The following KDM3B variants were observed in gnomAD, a reference collection of about 807,000 sequenced individuals.
KDM3B encodes lysine demethylase 3B, also known as lysine-specific demethylase 3B.
In KDM3B, 10 loss-of-function variants were observed where a neutral mutation model predicts 170.0. The ratio of observed to expected loss-of-function variants is 0.06; its 90% CI spans 0.04 to 0.10. The LOEUF is 0.10. Ranked by LOEUF, KDM3B falls within the 10% of genes least tolerant of loss-of-function variation. The pLI is 1.00. For missense variants in KDM3B, 1,394 were observed against 2,195.2 expected (o/e 0.64, Z 7.29); for synonymous variants, 831 against 834.8 (o/e 1.00, Z 0.08).
chr5:138,375,472 G>A (rs905991321), intron 3 of KDM3B, among the ~76,000 whole-genome samples: 4 of 151,652 alleles, frequency 2.6e-5, no homozygotes, highest in Admixed American at 6.6e-5. Context: ...CCGCCTCCCC[G>A]GTTCACTCCA....
chr5:138,425,447 T>C lies in KDM3B; in HGVS notation c.4276T>C (p.Ser1426Pro). 1 of 1,614,130 alleles carries C rather than the reference T, an allele frequency of 6.2e-7. No homozygotes were observed. Among genetic ancestry groups the C allele is most frequent in the Non-Finnish European group, 8.5e-7 (1 of 1,180,010 alleles). The change falls in exon 17 of 24, where the codon TCT (serine) becomes CCT (proline). Residue 1426 changes from serine (S) to proline (P), a missense_variant. Ser to Pro is a moderately conservative substitution (Grantham distance 74). Coordinates refer to ENST00000314358, the MANE Select transcript of KDM3B (RefSeq NM_016604.4). Reference sequence around the variant, plus strand: ...TTCGGGGGTACATAAAAAGCTCAAGTCTGAGCTCTGGAAGCCAGAAGCCTT... The same window carrying C: ...TTCGGGGGTACATAAAAAGCTCAAGCCTGAGCTCTGGAAGCCAGAAGCCTT... ...LVSGVHKKLK[S>P]ELWKPEAFSQ...
At chr5:138,375,247 T>G in intron 3 of KDM3B, 41 bp downstream of exon 3, 2 of 1,276,164 alleles carry the variant, frequency 1.6e-6, no homozygotes, top group Non-Finnish European at 2.3e-6. Context: ...ATTATTTTTT[T>G]CGCTGCTAAT....
At chr5:138,430,567 C>A in intron 22 of KDM3B, 142 bp downstream of exon 22, 1 of 828,174 alleles carries the variant, frequency 1.2e-6, no homozygotes, top group Non-Finnish European at 1.8e-6. Context: ...CTTTTATTTT[C>A]TTCCTTGTAA....
intron 11 of KDM3B, among the ~76,000 whole-genome samples, chr5:138,405,361 G>A (rs2126969662): frequency 1.3e-5 from 2 of 152,296 alleles, no homozygotes; most frequent in Admixed American, 1.3e-4. Flanking sequence ...TTTAAAAGTA[G>A]CCAGGCATGG....
intron 1 of KDM3B, among the ~76,000 whole-genome samples, chr5:138,356,765 C>T (rs1402143741): frequency 6.6e-6 from 1 of 151,342 alleles, no homozygotes; most frequent in African/African-American, 2.4e-5. Flanking sequence ...GCCTCAGCCT[C>T]CCGAGTAGTT....
chr5:138,381,430 A>T (rs780949074), intron 5 of KDM3B, 86 bp from the exon 6 acceptor site: 227 of 849,866 alleles, frequency 2.7e-4, no homozygotes, highest in Non-Finnish European at 4.0e-4. Context: ...TTGAATCAAT[A>T]AAGAGATAAT....
intron 7 of KDM3B, among the ~76,000 whole-genome samples, chr5:138,387,855 G>A (rs1440212436): frequency 2.0e-5 from 3 of 152,154 alleles, no homozygotes; most frequent in Admixed American, 6.6e-5. Context: ...GCCAAGGCGG[G>A]CGGATCACAA....
At chr5:138,419,534 A>C (rs1763199773) in intron 14 of KDM3B, among the ~76,000 whole-genome samples, 1 of 150,974 alleles carries the variant, frequency 6.6e-6, no homozygotes. Flanking sequence ...GGGTGCCTGT[A>C]GTCCCAGCTA....
intron 6 of KDM3B, among the ~76,000 whole-genome samples, chr5:138,384,151 T>A (rs534277790): frequency 7.0e-6 from 1 of 142,780 alleles, no homozygotes; most frequent in East Asian, 2.1e-4. Flanking sequence ...GAGGCTGAGG[T>A]AGGAGAATGG....
intron 7 of KDM3B, among the ~76,000 whole-genome samples, chr5:138,389,780 C>CTGTGTGTG (rs1230677685): frequency 1.1e-3 from 133 of 120,342 alleles, no homozygotes; most frequent in African/African-American, 3.8e-3. Flanking sequence ...CTCTCTCTCT[C>CTGTGTGTG]TCTGTGTGTG....
chr5:138,418,427 C>T (rs1763163535), intron 13 of KDM3B, among the ~76,000 whole-genome samples: 1 of 152,106 alleles, frequency 6.6e-6, no homozygotes, highest in Non-Finnish European at 1.5e-5. Context: ...ATTCCATGGC[C>T]TTTCTGGCAA....
At chr5:138,395,259 A>G (rs944584477) in intron 9 of KDM3B, among the ~76,000 whole-genome samples, 2 of 152,304 alleles carry the variant, frequency 1.3e-5, no homozygotes, top group Admixed American at 1.3e-4. Flanking sequence ...TGTCAGTCTA[A>G]GTGAGATCAG....
At position 138,386,638 on chromosome 5, in the gene KDM3B, G is replaced by T. The variant is rs759649910; in HGVS notation, c.1380+17G>T. On this transcript the variant is annotated intron_variant, in intron 7 of 23. Coordinates refer to ENST00000314358, the MANE Select transcript of KDM3B (RefSeq NM_016604.4). ...TCGGGAGAGGTGAGTTACTTCAGGGGCAGATTTGCAAGATTTGGGTTTACT... is the reference window on the plus strand; with the variant it reads ...TCGGGAGAGGTGAGTTACTTCAGGGTCAGATTTGCAAGATTTGGGTTTACT... 1.2e-4 allele frequency: 190 copies of T among 1,597,616 alleles called. No individual in the cohort carries two copies. The highest frequency in any genetic ancestry group is 1.4e-4 in the Non-Finnish European group (168 of 1,169,020).
At chr5:138,387,364 C>T (rs1762296660) in intron 7 of KDM3B, among the ~76,000 whole-genome samples, 1 of 151,526 alleles carries the variant, frequency 6.6e-6, no homozygotes, top group African/African-American at 2.4e-5. Context: ...TTTTTTTTCC[C>T]CAAACAGCTA....
At chr5:138,388,191 C>T (rs1334991262) in intron 7 of KDM3B, among the ~76,000 whole-genome samples, 2 of 152,154 alleles carry the variant, frequency 1.3e-5, no homozygotes, top group Non-Finnish European at 2.9e-5. Flanking sequence ...CCATTGAATG[C>T]TGCTACTCTT....
At chr5:138,408,322 G>A (rs2126974084) in intron 11 of KDM3B, among the ~76,000 whole-genome samples, 1 of 148,986 alleles carries the variant, frequency 6.7e-6, no homozygotes, top group African/African-American at 2.5e-5. Context: ...AGAGAGAGCT[G>A]TTTTACTTTC....
At chr5:138,399,158 G>A (rs866681096) in intron 10 of KDM3B, among the ~76,000 whole-genome samples, 35 of 151,430 alleles carry the variant, frequency 2.3e-4, no homozygotes, top group Admixed American at 6.6e-4. Context: ...AAAGTGCTGG[G>A]GTTACATGTG....
chr5:138,401,250 A>G (rs541044083), intron 11 of KDM3B, among the ~76,000 whole-genome samples: 136 of 149,350 alleles, frequency 9.1e-4, no homozygotes, highest in African/African-American at 3.2e-3. Flanking sequence ...CAACCTGGGC[A>G]ACAGAGCAAG....
chr5:138,420,779 T>G lies in KDM3B; in HGVS notation c.3789T>G (p.Thr1263=). 6.2e-7 allele frequency: 1 copy of G among 1,614,172 alleles called. No homozygotes were observed. Among genetic ancestry groups the G allele is most frequent in the Non-Finnish European group, 8.5e-7 (1 of 1,180,032 alleles). Residue 1263 remains threonine (T), a synonymous_variant, in exon 15 of 24, where the codon ACT becomes ACG. Transcript: ENST00000314358. Reference sequence around the variant, plus strand: ...TTGGGCTGGACTCGTTCAACTCCACTGCAAAGGTCTCTCCGCTGACTCCAA... The same window carrying G: ...TTGGGCTGGACTCGTTCAACTCCACGGCAAAGGTCTCTCCGCTGACTCCAA... ...SPFGLDSFNS[T]AKVSPLTPKL...
Sources: allele counts gnomAD v4.1 joint callset (sites outside exome capture counted in the v4.1 genomes callset), GRCh38; gene constraint gnomAD v4.1.1; transcripts MANE v1.5; gene names NCBI Gene and HGNC (gene_info 2026-07-23, HGNC 2026-07-21).